The following TMEM265 variants were observed in gnomAD, a reference collection of about 807,000 sequenced individuals.
TMEM265 encodes transmembrane protein 265.
Under a neutral mutation model 9.5 loss-of-function variants are expected in TMEM265, and 8 were observed. That is an observed-to-expected ratio of 0.84 (90% CI 0.49 to 1.52). The LOEUF (loss-of-function observed/expected upper bound fraction) is 1.52. Among genes scored for constraint, TMEM265 ranks in the 40% most tolerant of loss-of-function variants. The pLI is 0.00. For missense variants in TMEM265, 152 were observed against 146.2 expected, an observed-to-expected ratio of 1.04 and a Z score of -0.21; for synonymous variants, 53 against 56.9, an observed-to-expected ratio of 0.93 and a Z score of 0.31.
intron 2 of TMEM265, among the ~76,000 whole-genome samples, chr16:30,742,650 G>A (rs1372956347): frequency 1.3e-5 from 2 of 151,908 alleles, no homozygotes; most frequent in Non-Finnish European, 2.9e-5. Context: ...CATGTCCGCC[G>A]GGCGTGGTGA....
chr16:30,743,695 G>T (rs1460204122), intron 2 of TMEM265, 87 bp from the exon 3 acceptor site: 2 of 1,403,792 alleles, frequency 1.4e-6, no homozygotes, highest in Non-Finnish European at 1.9e-6. Context: ...ATTTTGATCC[G>T]TGACAGGGAA....
At position 30,743,953 on chromosome 16, in the gene TMEM265, G is replaced by T. The variant is rs918979692; in HGVS notation, c.*10G>T. Reference sequence around the variant, plus strand: ...CGCTCAGGCTGAGTGACCCTGGATGGCCTCTGCTGAGAGCCAGCCGAGACC... The same window carrying T: ...CGCTCAGGCTGAGTGACCCTGGATGTCCTCTGCTGAGAGCCAGCCGAGACC... On this transcript the variant is annotated 3_prime_UTR_variant, in exon 3 of 3. Coordinates refer to ENST00000615541, the MANE Select transcript of TMEM265 (RefSeq NM_001256829.2). The T allele has an allele frequency of 6.5e-6, 10 of 1,531,474 alleles. No individual in the cohort carries two copies. Among genetic ancestry groups the T allele is most frequent in the Non-Finnish European group, 8.7e-6 (10 of 1,145,236 alleles). 94.9% of individuals were successfully genotyped at this position (1,531,474 alleles called of 1,614,324 possible).
At chr16:30,742,043 G>A in intron 2 of TMEM265, 135 bp downstream of exon 2, 1 of 987,098 alleles carries the variant, frequency 1.0e-6, no homozygotes, top group Non-Finnish European at 1.4e-6. Context: ...GAATAAGACA[G>A]GGTTCCTTGT....
In TMEM265 at chr16:30,743,997, G is replaced by A. The variant is rs1462727185; in HGVS notation, c.*54G>A. 11 of 1,496,228 alleles carry A rather than the reference G, an allele frequency of 7.4e-6. No homozygotes were observed. Among genetic ancestry groups the A allele is most frequent in the African/African-American group, 1.4e-5 (1 of 72,188 alleles). The allele number at this position is 1,496,228 out of a possible 1,614,324, so 92.7% of individuals were successfully genotyped here. On this transcript the variant is annotated 3_prime_UTR_variant, in exon 3 of 3. Transcript: ENST00000615541. ...CGAGACCTCCTGGATCCTGCAATGC[G>A]GCATTGCTAAGGTCCTGTGACAGCA...
chr16:30,743,461 A>G (rs2053237262), intron 2 of TMEM265, among the ~76,000 whole-genome samples: 1 of 152,142 alleles, frequency 6.6e-6, no homozygotes, highest in Non-Finnish European at 1.5e-5. Context: ...GAGTGAAGTT[A>G]CTCTAGCCTC....
At position 30,743,856 on chromosome 16, in the gene TMEM265, G is replaced by A. The variant is rs750160823; in HGVS notation, c.240G>A (p.Leu80=). 1 of 1,533,928 alleles carries A rather than the reference G, an allele frequency of 6.5e-7. No individual in the cohort carries two copies. Among genetic ancestry groups the A allele is most frequent in the Non-Finnish European group, 8.7e-7 (1 of 1,146,714 alleles). ...GGGCCCGGGCCCGGAAACTCATCCT[G>A]GCCAGCTTTGCTGTCTGGCTTGCTG... The part of the protein sequence containing the change: ...RWGARARKLI[L]ASFAVWLAVL... The change falls in exon 3 of 3, where the codon CTG becomes CTA. Residue 80 remains leucine (L), a synonymous_variant. Transcript: ENST00000615541.
At chr16:30,742,544 C>T (rs2053232227) in intron 2 of TMEM265, among the ~76,000 whole-genome samples, 1 of 152,154 alleles carries the variant, frequency 6.6e-6, no homozygotes, top group South Asian at 2.1e-4. Context: ...AGGCTGGAGG[C>T]CGCTGAACGG....
chr16:30,743,806 C>T lies in TMEM265; in HGVS notation c.190C>T (p.Arg64Trp), dbSNP rs541309563. ...IKAEERHKAGRSEEAVRWGAR... is the reference protein window; with the variant it reads ...IKAEERHKAGWSEEAVRWGAR... Reference sequence around the variant, plus strand: ...GGCGGAAGAGCGGCATAAAGCAGGCCGGTCCGAGGAGGCAGTGCGCTGGGG... The same window carrying T: ...GGCGGAAGAGCGGCATAAAGCAGGCTGGTCCGAGGAGGCAGTGCGCTGGGG... The change falls in exon 3 of 3, where the codon CGG (arginine) becomes TGG (tryptophan). Residue 64 changes from arginine (R) to tryptophan (W), a missense_variant. Transcript: ENST00000615541. The T allele has an allele frequency of 7.4e-5, 113 of 1,532,744 alleles. No homozygotes were observed. The East Asian group carries it at 1.3e-3, about 18-fold the overall frequency. The allele number at this position is 1,532,744 out of a possible 1,614,324, so 94.9% of individuals were successfully genotyped here.
chr16:30,741,832 T>G lies in TMEM265; in HGVS notation c.89T>G (p.Leu30Arg). Residue 30 changes from leucine (L) to arginine (R), a missense_variant, in exon 2 of 3, where the codon CTC becomes CGC. By Grantham distance (102) the Leu-to-Arg change is moderately radical (BLOSUM62 -2). Transcript: ENST00000615541. ...CCCATCCGCTGCTGCTGGCTCCGCCTCCGCTGCTTGGCAGCTACTAGCATT... is the reference window on the plus strand; with the variant it reads ...CCCATCCGCTGCTGCTGGCTCCGCCGCCGCTGCTTGGCAGCTACTAGCATT... ...PSPIRCCWLR[L>R]RCLAATSIIC... 6.5e-7 allele frequency: 1 copy of G among 1,533,978 alleles called. No homozygotes were observed. Among genetic ancestry groups the G allele is most frequent in the Non-Finnish European group, 8.7e-7 (1 of 1,146,734 alleles).
Position 30,743,797 on chromosome 16 carries a change from A to G in TMEM265, c.181A>G (p.Lys61Glu). The change falls in exon 3 of 3, where the codon AAA becomes GAA. Residue 61 changes from lysine to glutamate, a missense_variant. By Grantham distance (56) the Lys-to-Glu change is moderately conservative (BLOSUM62 1). Transcript: ENST00000615541. ...VFAIKAEERH[K>E]AGRSEEAVRW... Reference sequence around the variant, plus strand: ...GCCCCCACAGGCGGAAGAGCGGCATAAAGCAGGCCGGTCCGAGGAGGCAGT... The same window carrying G: ...GCCCCCACAGGCGGAAGAGCGGCATGAAGCAGGCCGGTCCGAGGAGGCAGT... The G allele has an allele frequency of 1.3e-6, 2 of 1,531,774 alleles. No homozygotes were observed. Among genetic ancestry groups the G allele is most frequent in the Admixed American group, 2.0e-5 (1 of 50,862 alleles). 94.9% of individuals were successfully genotyped at this position (1,531,774 alleles called of 1,614,324 possible).
rs891342788 is a variant in TMEM265, at chr16:30,743,791, C to T, written c.175C>T (p.Arg59Trp). 17 of 1,528,106 alleles carry T rather than the reference C, an allele frequency of 1.1e-5. No homozygotes were observed. The highest frequency in any genetic ancestry group is 2.7e-5 in the African/African-American group (2 of 72,814). 94.7% of individuals were successfully genotyped at this position (1,528,106 alleles called of 1,614,324 possible). Residue 59 changes from arginine to tryptophan, a missense_variant, in exon 3 of 3, where the codon CGG (arginine) becomes TGG (tryptophan). Transcript: ENST00000615541. ...GAACCTGCCCCCACAGGCGGAAGAG[C>T]GGCATAAAGCAGGCCGGTCCGAGGA... Reference protein sequence around the residue: ...ALVFAIKAEERHKAGRSEEAV... With the variant: ...ALVFAIKAEEWHKAGRSEEAV...
At chr16:30,743,682 G>A in intron 2 of TMEM265, 100 bp from the exon 3 acceptor site, 1 of 1,360,696 alleles carries the variant, frequency 7.3e-7, no homozygotes, top group Non-Finnish European at 9.7e-7. Context: ...GTTTGGATGT[G>A]AGATTTTGAT....
chr16:30,743,657 A>G, intron 2 of TMEM265, 125 bp from the exon 3 acceptor site: 1 of 1,185,252 alleles, frequency 8.4e-7, no homozygotes, highest in South Asian at 1.6e-5. Context: ...CAGAAACTGG[A>G]AAGGGAGGTA....
At chr16:30,743,140 A>G (rs2053235455) in intron 2 of TMEM265, among the ~76,000 whole-genome samples, 1 of 152,076 alleles carries the variant, frequency 6.6e-6, no homozygotes, top group South Asian at 2.1e-4. Context: ...TAATCCCAGC[A>G]CTTTGGGAGG....
chr16:30,744,067 G>C lies in TMEM265; in HGVS notation c.*124G>C. The C allele has an allele frequency of 8.4e-7, 1 of 1,192,542 alleles. No individual in the cohort carries two copies. Among genetic ancestry groups the C allele is most frequent in the Admixed American group, 2.8e-5 (1 of 36,196 alleles). 73.9% of individuals were successfully genotyped at this position (1,192,542 alleles called of 1,614,324 possible). On this transcript the variant is annotated 3_prime_UTR_variant, in exon 3 of 3. Transcript: ENST00000615541. ...TTGGAAGGATGGGGACTCTCTCAAG[G>C]GGCTTTGGAAGAGCTCTTCTAGCCC...
chr16:30,744,876 C>T lies in TMEM265; in HGVS notation c.*933C>T, dbSNP rs1289563839. The T allele has an allele frequency of 6.6e-6, 1 of 152,152 alleles. No homozygotes were observed. The highest frequency in any genetic ancestry group is 1.5e-5 in the Non-Finnish European group (1 of 68,030). 9.4% of individuals were successfully genotyped at this position (152,152 alleles called of 1,614,324 possible). Reference sequence around the variant, plus strand: ...TAAAATGGATTTTCATATCTTTTATCTTGGACCTCATAATATTTCAAATTT... The same window carrying T: ...TAAAATGGATTTTCATATCTTTTATTTTGGACCTCATAATATTTCAAATTT... On this transcript the variant is annotated 3_prime_UTR_variant, in exon 3 of 3. Coordinates refer to ENST00000615541, the MANE Select transcript of TMEM265 (RefSeq NM_001256829.2).
intron 2 of TMEM265, 88 bp downstream of exon 2, chr16:30,741,996 A>G: frequency 7.5e-7 from 1 of 1,328,196 alleles, no homozygotes; most frequent in African/African-American, 1.4e-5. Flanking sequence ...CAGTCACTGA[A>G]TACCTATCAG....
chr16:30,744,021 C>T lies in TMEM265; in HGVS notation c.*78C>T, dbSNP rs1567257395. The T allele has an allele frequency of 1.4e-6, 2 of 1,449,698 alleles. No individual in the cohort carries two copies. The highest frequency in any genetic ancestry group is 1.8e-6 in the Non-Finnish European group (2 of 1,091,834). The allele number at this position is 1,449,698 out of a possible 1,614,324, so 89.8% of individuals were successfully genotyped here. On this transcript the variant is annotated 3_prime_UTR_variant, in exon 3 of 3. Coordinates refer to ENST00000615541, the MANE Select transcript of TMEM265 (RefSeq NM_001256829.2). ...CGGCATTGCTAAGGTCCTGTGACAG[C>T]AGTGGTTGGAAGGATCCTGGTTGGA...
chr16:30,741,540 C>T (rs2053225358), intron 1 of TMEM265: 4 of 547,388 alleles, frequency 7.3e-6, no homozygotes, highest in African/African-American at 1.9e-5. Context: ...GACTCAGAAC[C>T]TCAAGCTTAG....
Sources: gnomAD v4.1 joint callset for allele counts (sites outside exome capture counted in the v4.1 genomes callset) on GRCh38, gnomAD v4.1.1 for gene constraint, MANE v1.5 for transcripts, NCBI Gene and HGNC (gene_info 2026-07-23, HGNC 2026-07-21) for gene names.